SDK1: variants seen among roughly 807,000 people sequenced by gnomAD.
SDK1 encodes protein sidekick-1.
A neutral mutation model predicts 245.5 loss-of-function variants in SDK1; 157 were observed. That is an observed-to-expected ratio of 0.64 (90% CI 0.56 to 0.73). SDK1 has a LOEUF of 0.73. SDK1 is among the 30% of genes least tolerant of loss of function. The pLI is 0.00. For synonymous variants in SDK1, 1,647 were observed against 1,278.5 expected (o/e 1.29, Z -6.15); for missense variants, 3,583 against 3,002.3 (o/e 1.19, Z -4.52).
At chr7:3,561,947 A>G (rs1335948138) in intron 1 of SDK1, among the ~76,000 whole-genome samples, 3 of 152,242 alleles carry the variant, frequency 2.0e-5, no homozygotes, top group African/African-American at 7.2e-5. Context: ...TTTTCTTGTT[A>G]AAATGGATTG....
intron 35 of SDK1, among the ~76,000 whole-genome samples, chr7:4,183,045 G>T (rs1010846060): frequency 3.3e-5 from 5 of 152,160 alleles, no homozygotes; most frequent in Non-Finnish European, 7.3e-5. Flanking sequence ...TTTGGTGGGC[G>T]TGGGGGCTAG....
intron 5 of SDK1, among the ~76,000 whole-genome samples, chr7:3,933,770 T>G (rs1047514408): frequency 7.9e-5 from 12 of 152,228 alleles, no homozygotes; most frequent in Admixed American, 6.5e-4. Context: ...CCTTTCAGCA[T>G]TTGGTTGTGA....
chr7:3,347,962 T>A (rs777246953), intron 1 of SDK1, among the ~76,000 whole-genome samples: 1 of 152,100 alleles, frequency 6.6e-6, no homozygotes, highest in Non-Finnish European at 1.5e-5. Context: ...GTGTAAGTAT[T>A]TTGCTTCCTA....
intron 5 of SDK1, among the ~76,000 whole-genome samples, chr7:3,921,325 CT>C (rs1779578532): frequency 6.6e-6 from 1 of 152,110 alleles, no homozygotes; most frequent in African/African-American, 2.4e-5. Flanking sequence ...TGCCTAGTTT[CT>C]TTTTTTAGCA....
rs940896646 is a variant in SDK1 at position 3,652,420 on chromosome 7, A to T, written c.713+10315A>T. Among the ~76,000 whole-genome samples, 2 of 152,230 alleles carry T rather than the reference A, an allele frequency of 1.3e-5. 1 individual carries two copies. The highest frequency in any genetic ancestry group is 4.8e-5 in the African/African-American group (2 of 41,468). ...CCTGGAGTCATGTGGCACGGCCTTC[A>T]TGGTGGCATGCGGTGGCCCCTCATG... On this transcript the variant is annotated intron_variant, in intron 4 of 44. Coordinates refer to ENST00000404826, the MANE Select transcript of SDK1 (RefSeq NM_152744.4).
chr7:3,492,063 C>T (rs959257172), intron 1 of SDK1, among the ~76,000 whole-genome samples: 1 of 152,098 alleles, frequency 6.6e-6, no homozygotes, highest in African/African-American at 2.4e-5. Flanking sequence ...GTGTTAATTT[C>T]GTTTTCAAAG....
chr7:3,940,600 T>C (rs1344661090), intron 5 of SDK1, among the ~76,000 whole-genome samples: 2 of 151,878 alleles, frequency 1.3e-5, no homozygotes, highest in Non-Finnish European at 2.9e-5. Flanking sequence ...CCCAGCACTT[T>C]GGGAGGCTGA....
intron 19 of SDK1, 95 bp downstream of exon 19, chr7:4,051,925 C>A: frequency 8.5e-7 from 1 of 1,180,742 alleles, no homozygotes; most frequent in Non-Finnish European, 1.2e-6. Context: ...AGGTGGATCA[C>A]GAGGAGGCCC....
In SDK1 at chr7:4,264,651, T is replaced by C. The variant is rs562035522; in HGVS notation, c.6382-473T>C. Among the ~76,000 whole-genome samples the C allele has an allele frequency of 4.6e-3, 625 of 136,272 alleles. 10 individuals are homozygous for C. Among genetic ancestry groups the C allele is most frequent in the African/African-American group, 0.016 (587 of 36,560 alleles). The allele number at this position is 136,272 out of a possible 152,430, so 89.4% of individuals were successfully genotyped here. On this transcript the variant is annotated intron_variant, in intron 44 of 44. Transcript: ENST00000404826. ...ACCTCTCCTGGGGTAAGGAAGGCCG[T>C]GTAGACCTCTCCTGAGTGAGGGAGG...
At chr7:3,753,756 G>A (rs769023965) in intron 4 of SDK1, among the ~76,000 whole-genome samples, 1 of 152,150 alleles carries the variant, frequency 6.6e-6, no homozygotes, top group Non-Finnish European at 1.5e-5. Context: ...AGTGGCTTTT[G>A]TAGACTGAAT....
chr7:3,594,494 G>A (rs957149839), intron 1 of SDK1, among the ~76,000 whole-genome samples: 5 of 152,090 alleles, frequency 3.3e-5, no homozygotes, highest in African/African-American at 1.2e-4. Context: ...TGGGTCGTAT[G>A]GTAACTTGAT....
chr7:3,844,263 C>T (rs1780224705), intron 5 of SDK1, among the ~76,000 whole-genome samples: 1 of 152,194 alleles, frequency 6.6e-6, no homozygotes, highest in Admixed American at 6.5e-5. Context: ...TGAGCCACCG[C>T]CCCTGGCCCA....
intron 1 of SDK1, among the ~76,000 whole-genome samples, chr7:3,366,848 TCTC>T (rs1199473431): frequency 2.0e-5 from 3 of 152,080 alleles, no homozygotes; most frequent in Non-Finnish European, 2.9e-5. Flanking sequence ...TTCAAGCAAT[TCTC>T]CTGCCTCAGC....
intron 5 of SDK1, among the ~76,000 whole-genome samples, chr7:3,907,777 T>C (rs1221923139): frequency 2.0e-5 from 3 of 152,238 alleles, no homozygotes; most frequent in African/African-American, 2.4e-5. Context: ...GGTTAACATA[T>C]ATGATATTCA....
chr7:3,720,810 C>T (rs1785345291), intron 4 of SDK1, among the ~76,000 whole-genome samples: 1 of 152,190 alleles, frequency 6.6e-6, no homozygotes, highest in South Asian at 2.1e-4. Context: ...TTTCTAGCAC[C>T]ATTGTTTGTA....
In SDK1 at chr7:3,364,410, T is replaced by G. The variant is rs111382433; in HGVS notation, c.298+62526T>G. 3.8e-4 allele frequency among the ~76,000 whole-genome samples: 58 copies of G among 152,364 alleles called. 5 individuals carry two copies. The highest frequency in any genetic ancestry group is 1.1e-3 in the African/African-American group (45 of 41,594). On this transcript the variant is annotated intron_variant, in intron 1 of 44. Transcript: ENST00000404826. ...GTGTTGGTTTCTTTTAAAAGTTCTG[T>G]AGTTTTATGTTTCACATTAAAGTCC...
At chr7:3,444,738 G>A (rs1780295885) in intron 1 of SDK1, among the ~76,000 whole-genome samples, 1 of 152,166 alleles carries the variant, frequency 6.6e-6, no homozygotes, top group Non-Finnish European at 1.5e-5. Flanking sequence ...CAGCTAAATT[G>A]GGTGACCAAC....
rs139304917 is a variant in SDK1 at position 3,515,327 on chromosome 7, A to G, written c.299-103753A>G. The stretch of plus-strand genomic sequence containing the variant: ...TTTGTTGTGTCTATATTAAATTCAG[A>G]AAGAAGTAAGGCTGACCAGCAAGAC... On this transcript the variant is annotated intron_variant, in intron 1 of 44. Transcript: ENST00000404826. 3.7e-3 allele frequency among the ~76,000 whole-genome samples: 557 copies of G among 152,306 alleles called. 7 individuals are homozygous for G. Among genetic ancestry groups the G allele is most frequent in the African/African-American group, 0.012 (505 of 41,586 alleles).
At chr7:3,878,605 G>C (rs568138405) in intron 5 of SDK1, among the ~76,000 whole-genome samples, 1 of 152,164 alleles carries the variant, frequency 6.6e-6, no homozygotes, top group African/African-American at 2.4e-5. Flanking sequence ...TATTAACACT[G>C]TATTTATCGG....
Sources: gnomAD v4.1 joint callset for allele counts (sites outside exome capture counted in the v4.1 genomes callset) on GRCh38, gnomAD v4.1.1 for gene constraint, MANE v1.5 for transcripts, NCBI Gene and HGNC (gene_info 2026-07-23, HGNC 2026-07-21) for gene names.